The following PNPT1 variants were observed in gnomAD, a reference collection of about 807,000 sequenced individuals.
PNPT1 encodes the protein polyribonucleotide nucleotidyltransferase 1, mitochondrial.
PNPT1 carries 53 observed loss-of-function variants against 119.5 expected under a neutral mutation model. The observed-to-expected ratio is 0.44, with a 90% CI of 0.36 to 0.56. The LOEUF is 0.56. PNPT1 is among the 20% of genes least tolerant of loss of function. PNPT1 has a pLI of 0.00. For synonymous variants in PNPT1, 357 were observed against 322.1 expected, an observed-to-expected ratio of 1.11 and a Z score of -1.16; for missense variants, 948 against 938.5, an observed-to-expected ratio of 1.01 and a Z score of -0.13.
At chr2:55,679,873 AC>A in intron 7 of PNPT1, 78 bp from the exon 8 acceptor site, 1 of 962,648 alleles carries the variant, frequency 1.0e-6, no homozygotes, top group Non-Finnish European at 1.6e-6. Context: ...CATGGCTTCA[AC>A]CCCATCTTTG....
chr2:55,641,686 A>G (rs574592072), intron 25 of PNPT1, among the ~76,000 whole-genome samples: 21 of 152,118 alleles, frequency 1.4e-4, no homozygotes, highest in Non-Finnish European at 2.6e-4. Context: ...CACCTGCAAT[A>G]TTAAACAAAT....
chr2:55,679,853 T>C, intron 7 of PNPT1, 58 bp from the exon 8 acceptor site: 2 of 1,184,622 alleles, frequency 1.7e-6, no homozygotes, highest in Non-Finnish European at 1.2e-6. Context: ...TTTCAAGACA[T>C]TATTCCAGTC....
chr2:55,679,925 T>G (rs1697193214), intron 7 of PNPT1, 130 bp from the exon 8 acceptor site: 1 of 647,656 alleles, frequency 1.5e-6, no homozygotes, highest in Non-Finnish European at 2.6e-6. Context: ...TACACGGTAT[T>G]TAAGACCCAC....
At position 55,655,195 on chromosome 2, in the gene PNPT1, C is replaced by A. The variant is rs187212834; in HGVS notation, c.1442-242G>T. Among the ~76,000 whole-genome samples the A allele has an allele frequency of 2.0e-3, 299 of 152,216 alleles. 2 individuals are homozygous for A. The highest frequency in any genetic ancestry group is 6.6e-3 in the African/African-American group (275 of 41,542). On this transcript the variant is annotated intron_variant, in intron 17 of 27. Coordinates refer to ENST00000447944, the MANE Select transcript of PNPT1 (RefSeq NM_033109.5). ...TAAATCAATTAAAATAAATTTAATT[C>A]TTCAACTAGATAGGACAGATAAAGA... is the stretch of plus-strand genomic sequence containing the variant.
chr2:55,657,462 C>G (rs1043998255), intron 15 of PNPT1, among the ~76,000 whole-genome samples: 1 of 150,960 alleles, frequency 6.6e-6, no homozygotes, highest in African/African-American at 2.4e-5. Context: ...AATCTCGGCT[C>G]ACTGCAACCT....
At chr2:55,647,721 C>T (rs1419642323) in intron 18 of PNPT1, among the ~76,000 whole-genome samples, 2 of 151,984 alleles carry the variant, frequency 1.3e-5, no homozygotes, top group East Asian at 3.9e-4. Context: ...GGGGTTTCAA[C>T]CATGTTGGCC....
intron 8 of PNPT1, among the ~76,000 whole-genome samples, chr2:55,675,866 A>C (rs1478869557): frequency 6.6e-6 from 1 of 152,232 alleles, no homozygotes; most frequent in Non-Finnish European, 1.5e-5. Context: ...TGAAGTGCTA[A>C]GTAGCCACAT....
intron 11 of PNPT1, 30 bp from the exon 12 acceptor site, chr2:55,667,988 A>C: frequency 6.5e-7 from 1 of 1,549,794 alleles, no homozygotes. Context: ...CAAAACAAAG[A>C]TTTTTACTTT....
At chr2:55,662,482 C>T (rs1407855030) in intron 13 of PNPT1, among the ~76,000 whole-genome samples, 1 of 152,074 alleles carries the variant, frequency 6.6e-6, no homozygotes, top group Non-Finnish European at 1.5e-5. Flanking sequence ...CGAGATCAGC[C>T]TGGCCGATAC....
intron 11 of PNPT1, among the ~76,000 whole-genome samples, chr2:55,668,965 G>A (rs946452005): frequency 3.3e-5 from 5 of 152,160 alleles, no homozygotes; most frequent in African/African-American, 1.2e-4. Context: ...GCAAATTGGG[G>A]AAAAATTTTA....
intron 1 of PNPT1, among the ~76,000 whole-genome samples, chr2:55,690,295 G>A (rs972926909): frequency 2.6e-5 from 4 of 152,212 alleles, no homozygotes; most frequent in African/African-American, 7.2e-5. Context: ...AAGAGCTCAA[G>A]ATTCATCAAA....
At chr2:55,646,778 G>C (rs1317985743) in intron 19 of PNPT1, among the ~76,000 whole-genome samples, 1 of 127,726 alleles carries the variant, frequency 7.8e-6, no homozygotes. Flanking sequence ...CACTGTGTAA[G>C]TATTACTGCA....
intron 12 of PNPT1, among the ~76,000 whole-genome samples, chr2:55,667,472 T>G (rs997379810): frequency 6.6e-6 from 1 of 151,926 alleles, no homozygotes; most frequent in Non-Finnish European, 1.5e-5. Context: ...TGGGCACCTG[T>G]AGTCCCAGCT....
intron 3 of PNPT1, among the ~76,000 whole-genome samples, chr2:55,685,355 T>C (rs1697369979): frequency 6.6e-6 from 1 of 152,068 alleles, no homozygotes; most frequent in Non-Finnish European, 1.5e-5. Flanking sequence ...AAAGACCTTG[T>C]CTCTACCCCC....
chr2:55,689,396 C>T (rs1225385373), intron 1 of PNPT1, among the ~76,000 whole-genome samples: 9 of 152,200 alleles, frequency 5.9e-5, no homozygotes, highest in Admixed American at 5.9e-4. Context: ...TACCACTTGA[C>T]AGCTGTTATG....
intron 5 of PNPT1, among the ~76,000 whole-genome samples, chr2:55,681,740 G>A (rs1261308706): frequency 6.6e-6 from 1 of 151,500 alleles, no homozygotes; most frequent in Admixed American, 6.6e-5. Context: ...AGCTACTAGG[G>A]AGGCTGAGGC....
In PNPT1 at chr2:55,647,455, T is replaced by C; in HGVS notation, c.1496-2A>G. The C allele has an allele frequency of 6.2e-7, 1 of 1,600,282 alleles. No homozygotes were observed. The stretch of plus-strand genomic sequence containing the variant: ...CAACAGCAGATGAAATTGGAACCCC[T>C]ATAATTGGGAAAAAGAACAACTGTG... On this transcript the variant is annotated splice_acceptor_variant, in intron 18 of 27. Coordinates refer to ENST00000447944, the MANE Select transcript of PNPT1 (RefSeq NM_033109.5). LOFTEE classifies it high-confidence loss of function.
chr2:55,667,737 C>A, intron 12 of PNPT1, 125 bp downstream of exon 12: 2 of 1,251,782 alleles, frequency 1.6e-6, no homozygotes, highest in East Asian at 2.8e-5. Context: ...ATTTATATAG[C>A]AAATATTATA....
intron 25 of PNPT1, 23 bp from the exon 26 acceptor site, chr2:55,640,728 C>G: frequency 6.9e-7 from 1 of 1,440,882 alleles, no homozygotes; most frequent in East Asian, 2.3e-5. Flanking sequence ...AAATAGTAAG[C>G]CTGGTTAAAA....
Sources: allele counts gnomAD v4.1 joint callset (sites outside exome capture counted in the v4.1 genomes callset), GRCh38; gene constraint gnomAD v4.1.1; transcripts MANE v1.5; gene names NCBI Gene and HGNC (gene_info 2026-07-23, HGNC 2026-07-21).